The following RNF168 variants were observed in gnomAD, a reference collection of about 807,000 sequenced individuals.
RNF168 encodes the protein ring finger protein 168.
A neutral mutation model predicts 34.9 loss-of-function variants in RNF168; 34 were observed. That is an observed-to-expected ratio of 0.97 (90% CI 0.74 to 1.30). The LOEUF (loss-of-function observed/expected upper bound fraction) is 1.30. Ranked by LOEUF, RNF168 falls within the 50% of genes most tolerant of loss-of-function variation. The pLI is 0.00. For missense variants in RNF168, 725 were observed against 682.5 expected (o/e 1.06, Z -0.69); for synonymous variants, 264 against 254.7 (o/e 1.04, Z -0.35).
At chr3:196,486,490 C>A (rs888181226) in intron 3 of RNF168, among the ~76,000 whole-genome samples, 1 of 152,010 alleles carries the variant, frequency 6.6e-6, no homozygotes, top group Non-Finnish European at 1.5e-5. Flanking sequence ...CGCACCATCA[C>A]ACTCGGCTCA....
At chr3:196,496,818 G>A (rs550432967) in intron 1 of RNF168, among the ~76,000 whole-genome samples, 1 of 152,202 alleles carries the variant, frequency 6.6e-6, no homozygotes, top group African/African-American at 2.4e-5. Flanking sequence ...AGCCTGGGCA[G>A]CATAGCAAAA....
chr3:196,478,823 T>C (rs6803161), intron 4 of RNF168, among the ~76,000 whole-genome samples: 73,231 of 147,688 alleles, frequency 0.5, 19,730 homozygotes, highest in Non-Finnish European at 0.61. Context: ...TGCACCACCA[T>C]GCCCAGCGAA....
chr3:196,473,917 A>T (rs1732075481), intron 5 of RNF168, among the ~76,000 whole-genome samples: 1 of 152,114 alleles, frequency 6.6e-6, no homozygotes, highest in African/African-American at 2.4e-5. Context: ...GACTGGGTGT[A>T]TTTCTCACCA....
chr3:196,476,806 G>A (rs951613710), intron 4 of RNF168, among the ~76,000 whole-genome samples: 5 of 150,532 alleles, frequency 3.3e-5, no homozygotes, highest in Admixed American at 2.0e-4. Context: ...GGAGTGCCGT[G>A]ACATGATCTT....
chr3:196,480,913 G>A (rs1191256202), intron 4 of RNF168, among the ~76,000 whole-genome samples: 1 of 152,134 alleles, frequency 6.6e-6, no homozygotes, highest in Non-Finnish European at 1.5e-5. Context: ...CCGAAGTGCT[G>A]GGATTATAGG....
chr3:196,499,777 G>A (rs1168258913), intron 1 of RNF168, among the ~76,000 whole-genome samples: 3 of 152,328 alleles, frequency 2.0e-5, no homozygotes, highest in East Asian at 3.9e-4. Context: ...GACAGGCAAA[G>A]TTGTGGCTTT....
chr3:196,497,652 A>T (rs1303886980), intron 1 of RNF168, among the ~76,000 whole-genome samples: 1 of 151,738 alleles, frequency 6.6e-6, no homozygotes, highest in African/African-American at 2.4e-5. Context: ...GGGCGACACA[A>T]CGAAATTCAG....
intron 5 of RNF168, among the ~76,000 whole-genome samples, chr3:196,473,651 T>TAA (rs1732069119): frequency 6.6e-6 from 1 of 152,096 alleles, no homozygotes; most frequent in South Asian, 2.1e-4. Context: ...GGTCAGGAGT[T>TAA]TGAGACCAGC....
At chr3:196,487,703 A>C (rs2108650344) in intron 2 of RNF168, 125 bp from the exon 3 acceptor site, 3 of 920,096 alleles carry the variant, frequency 3.3e-6, no homozygotes, top group South Asian at 2.8e-5. Flanking sequence ...TCTCAAATGA[A>C]GTACAAATCT....
chr3:196,487,378 G>T, intron 3 of RNF168, 21 bp downstream of exon 3: 2 of 1,603,040 alleles, frequency 1.2e-6, no homozygotes, highest in Non-Finnish European at 1.7e-6. Context: ...CCATACCTTA[G>T]CGTTCCCTCC....
At chr3:196,488,541 A>C in intron 2 of RNF168, 66 bp downstream of exon 2, 1 of 996,694 alleles carries the variant, frequency 1.0e-6, no homozygotes. Flanking sequence ...AAAAAACTAA[A>C]TTAAAATCTG....
Position 196,475,286 on chromosome 3 carries a change from C to G in RNF168, c.707G>C (p.Gly236Ala), listed in dbSNP as rs753992784. 1 of 1,610,998 alleles carries G rather than the reference C, an allele frequency of 6.2e-7. No individual in the cohort carries two copies. The highest frequency in any genetic ancestry group is 8.5e-7 in the Non-Finnish European group (1 of 1,177,300). The part of the protein sequence containing the change: ...QKYLTPKSQF[G>A]SASHSEAVQE... ...TACAGCTTCAGAGTGTGAGGCTGAC[C>G]CAAACTGAGATTTCGGTGTCAAATA... The change falls in exon 5 of 6, where the codon GGG becomes GCG. Residue 236 changes from glycine (G) to alanine (A), a missense_variant. Physicochemically the swap from Gly to Ala is moderately conservative, Grantham distance 60. Coordinates refer to ENST00000318037, the MANE Select transcript of RNF168 (RefSeq NM_152617.4).
intron 3 of RNF168, 21 bp from the exon 4 acceptor site, chr3:196,483,912 T>TA (rs1732356151): frequency 1.3e-6 from 2 of 1,574,030 alleles, no homozygotes; most frequent in South Asian, 2.2e-5. Context: ...AGAAAAAGCA[T>TA]AACAGACATT....
intron 1 of RNF168, among the ~76,000 whole-genome samples, chr3:196,500,763 G>C (rs1470634557): frequency 6.6e-6 from 1 of 151,806 alleles, no homozygotes; most frequent in Non-Finnish European, 1.5e-5. Context: ...CCAGGCTGGA[G>C]TGCGGTGGCG....
chr3:196,488,911 GCA>G (rs1732525597), intron 1 of RNF168, among the ~76,000 whole-genome samples: 1 of 152,022 alleles, frequency 6.6e-6, no homozygotes, highest in South Asian at 2.1e-4. Flanking sequence ...GAGTGCAGTG[GCA>G]CAGTCTCGGC....
intron 1 of RNF168, among the ~76,000 whole-genome samples, chr3:196,499,964 A>G (rs1732839785): frequency 6.6e-6 from 1 of 152,224 alleles, no homozygotes; most frequent in Admixed American, 6.5e-5. Flanking sequence ...ATACCACCTC[A>G]TACTCACCAG....
intron 1 of RNF168, among the ~76,000 whole-genome samples, chr3:196,490,557 T>C (rs1383956103): frequency 6.6e-6 from 1 of 151,604 alleles, no homozygotes; most frequent in African/African-American, 2.4e-5. Flanking sequence ...GTGCAATCTA[T>C]ACATGTAACA....
In RNF168 at chr3:196,472,296, T is replaced by C. The variant is rs1373427283; in HGVS notation, c.1239A>G (p.Glu413=). ...CTGTTTCCTCTTGATCTGGGGAAGA[T>C]TCGGGGGACACTTTTCTTCTTTTTG... is the stretch of plus-strand genomic sequence containing the variant. ...FSAKRRKVSP[E]SSPDQEETEI... Residue 413 remains glutamate, a synonymous_variant, in exon 6 of 6, where the codon GAA becomes GAG. Coordinates refer to ENST00000318037, the MANE Select transcript of RNF168 (RefSeq NM_152617.4). 24 of 1,613,938 alleles carry C rather than the reference T, an allele frequency of 1.5e-5. No homozygotes were observed. Among genetic ancestry groups the C allele is most frequent in the Non-Finnish European group, 1.9e-5 (22 of 1,179,812 alleles).
At chr3:196,494,507 G>A (rs1386034540) in intron 1 of RNF168, among the ~76,000 whole-genome samples, 1 of 152,214 alleles carries the variant, frequency 6.6e-6, no homozygotes, top group East Asian at 1.9e-4. Context: ...GAACAGTTGA[G>A]CTGTTCATAA....
Sources: allele counts gnomAD v4.1 joint callset (sites outside exome capture counted in the v4.1 genomes callset), GRCh38; gene constraint gnomAD v4.1.1; transcripts MANE v1.5; gene names NCBI Gene and HGNC (gene_info 2026-07-23, HGNC 2026-07-21).